TSBP1: variants seen among roughly 807,000 people sequenced by gnomAD.
The protein encoded by TSBP1 is testis expressed basic protein 1.
TSBP1 carries 56 observed loss-of-function variants against 68.8 expected under a neutral mutation model. That is an observed-to-expected ratio of 0.81 (90% CI 0.66 to 1.02). The LOEUF is 1.02. Ranked by LOEUF, TSBP1 falls within the 50% of genes least tolerant of loss-of-function variation. The pLI, the probability that TSBP1 is intolerant of heterozygous loss-of-function variation, is 0.00. For synonymous variants in TSBP1, 171 were observed against 208.7 expected (o/e 0.82, Z 1.56); for missense variants, 502 against 641.2 (o/e 0.78, Z 2.34).
intron 18 of TSBP1, among the ~76,000 whole-genome samples, chr6:32,322,869 C>T (rs1391636586): frequency 2.6e-5 from 4 of 151,946 alleles, no homozygotes. Flanking sequence ...TTTTGGATTT[C>T]ATCTCTCTCT....
chr6:32,325,260 G>T lies in TSBP1; in HGVS notation c.515-1646C>A. 7.8e-7 allele frequency: 1 copy of T among 1,278,684 alleles called. No homozygotes were observed. Among genetic ancestry groups the T allele is most frequent in the Non-Finnish European group, 1.1e-6 (1 of 916,854 alleles). The allele number at this position is 1,278,684 out of a possible 1,614,324, so 79.2% of individuals were successfully genotyped here. A position where few individuals can be genotyped will look rare whatever the true frequency, so the allele number is the denominator to read the frequency against. ...CTCCTAAAGAGCCAGAACAACTGAG[G>T]AAGCTCTTCATTGGAGGGTTGAGCT... On this transcript the variant is annotated intron_variant, in intron 16 of 22. Transcript: ENST00000612031. This position sits in a 1 kb window ranked among gnomAD's most constrained non-coding sequence, Gnocchi z 4.4.
At chr6:32,327,959 T>C (rs1768444904) in intron 16 of TSBP1, among the ~76,000 whole-genome samples, 1 of 141,412 alleles carries the variant, frequency 7.1e-6, no homozygotes, top group South Asian at 2.3e-4. Context: ...GCCCGACTTA[T>C]TATTATTTTT....
intron 15 of TSBP1, among the ~76,000 whole-genome samples, chr6:32,331,198 C>A: frequency 7.6e-6 from 1 of 131,230 alleles, no homozygotes. Context: ...TAATTGTATT[C>A]CTTTCCATAT....
At chr6:32,342,333 T>C (rs1770474401) in intron 9 of TSBP1, among the ~76,000 whole-genome samples, 1 of 152,016 alleles carries the variant, frequency 6.6e-6, no homozygotes, top group Non-Finnish European at 1.5e-5. Context: ...CCAGCTAATT[T>C]TGTATTTTTG....
At chr6:32,368,122 CGAT>C (rs1562202357) in intron 3 of TSBP1, among the ~76,000 whole-genome samples, 165 bp from the exon 4 acceptor site, 1 of 152,170 alleles carries the variant, frequency 6.6e-6, no homozygotes, top group African/African-American at 2.4e-5. Flanking sequence ...CAAGAGCTGA[CGAT>C]GATAAGTGAC....
intron 20 of TSBP1, among the ~76,000 whole-genome samples, chr6:32,301,334 C>T (rs1306613852): frequency 3.9e-5 from 6 of 151,928 alleles, no homozygotes; most frequent in East Asian, 1.9e-4. Flanking sequence ...TGGCCTGGTA[C>T]GAAATATTTA....
At chr6:32,356,451 G>T (rs1562176195) in intron 6 of TSBP1, among the ~76,000 whole-genome samples, 1 of 152,124 alleles carries the variant, frequency 6.6e-6, no homozygotes, top group African/African-American at 2.4e-5. Flanking sequence ...TAAAAACGGT[G>T]TCTCAAGCCT....
chr6:32,332,028 G>A lies in TSBP1; in HGVS notation c.493+6C>T, dbSNP rs937082462. On this transcript the variant is annotated splice_donor_region_variant and intron_variant, in intron 15 of 22. Transcript: ENST00000612031. ...AGAGATAAGTTGATATATACAGGCA[G>A]CTTACCAATAGGTCCTGGAGTTTGC... The A allele has an allele frequency of 6.3e-7, 1 of 1,595,262 alleles. No individual in the cohort carries two copies. Among genetic ancestry groups the A allele is most frequent in the Admixed American group, 1.7e-5 (1 of 60,006 alleles).
At chr6:32,368,896 G>A (rs1400450115) in intron 2 of TSBP1, 82 bp from the exon 3 acceptor site, 3 of 1,478,372 alleles carry the variant, frequency 2.0e-6, no homozygotes, top group East Asian at 2.4e-5. Context: ...CTCACTCTAA[G>A]CTATGCTTCT....
chr6:32,328,305 T>C (rs1768511398), intron 16 of TSBP1, among the ~76,000 whole-genome samples: 2 of 152,066 alleles, frequency 1.3e-5, no homozygotes, highest in Admixed American at 6.5e-5. Context: ...TGAAGGGCAG[T>C]GACACGATCT....
At chr6:32,363,697 T>G (rs1773327918) in intron 6 of TSBP1, among the ~76,000 whole-genome samples, 1 of 151,930 alleles carries the variant, frequency 6.6e-6, no homozygotes, top group Admixed American at 6.6e-5. Context: ...TTAAAAAAAT[T>G]GTATATTCAT....
rs1765432370 is a variant in TSBP1 at position 32,302,762 on chromosome 6, T to TG, written c.581-134dup. ...ACTTCTAGCAGAATACAATGAAATA[T>TG]GATGAGACAACAGATCCCTTAGTGT... On this transcript the variant is annotated intron_variant, in intron 19 of 22. Transcript: ENST00000612031. The surrounding 1 kb of genome is among the most constrained non-coding windows in gnomAD (Gnocchi z 5.1). The TG allele has an allele frequency of 1.6e-6, 1 of 643,772 alleles. No individual in the cohort carries two copies. Among genetic ancestry groups the TG allele is most frequent in the South Asian group, 2.0e-5 (1 of 49,736 alleles). 39.9% of individuals were successfully genotyped at this position (643,772 alleles called of 1,614,324 possible). A position where few individuals can be genotyped will look rare whatever the true frequency, so the allele number is the denominator to read the frequency against.
chr6:32,360,163 C>A (rs1323758352), intron 6 of TSBP1, among the ~76,000 whole-genome samples: 2 of 152,092 alleles, frequency 1.3e-5, no homozygotes, highest in Admixed American at 1.3e-4. Flanking sequence ...CAAGTTTGTA[C>A]CCTTTGGCCA....
Position 32,360,875 on chromosome 6 carries a change from C to T in TSBP1, c.218-5206G>A, listed in dbSNP as rs554466931. On this transcript the variant is annotated intron_variant, in intron 6 of 22. Coordinates refer to ENST00000612031, the Ensembl canonical transcript of TSBP1. ...TTATTTTATTTTATTTTGTTTTTTTCTCTCTCTCTTTTTTTTTATTATACT... is the reference window on the plus strand; with the variant it reads ...TTATTTTATTTTATTTTGTTTTTTTTTCTCTCTCTTTTTTTTTATTATACT... 6.8e-3 allele frequency among the ~76,000 whole-genome samples: 749 copies of T among 109,944 alleles called. 6 individuals carry two copies. The highest frequency in any genetic ancestry group is 0.011 in the Non-Finnish European group (489 of 44,338). The allele number at this position is 109,944 out of a possible 152,430, so 72.1% of individuals were successfully genotyped here. A position where few individuals can be genotyped will look rare whatever the true frequency, so the allele number is the denominator to read the frequency against.
Position 32,361,557 on chromosome 6 carries a change from A to T in TSBP1, c.217+4610T>A, listed in dbSNP as rs1165240366. On this transcript the variant is annotated intron_variant, in intron 6 of 22. Transcript: ENST00000612031. The surrounding 1 kb of genome is among the most constrained non-coding windows in gnomAD (Gnocchi z 4.3). Reference sequence around the variant, plus strand: ...CCAGCACCTGTTTCCTGACTTTTTAATGATTGCCATTCTAACTGGTGTGAG... The same window carrying T: ...CCAGCACCTGTTTCCTGACTTTTTATTGATTGCCATTCTAACTGGTGTGAG... Among the ~76,000 whole-genome samples, 3 of 152,128 alleles carry T rather than the reference A, an allele frequency of 2.0e-5. No homozygotes were observed.
intron 4 of TSBP1, among the ~76,000 whole-genome samples, 154 bp downstream of exon 4, chr6:32,367,771 T>C (rs1773926554): frequency 1.4e-5 from 1 of 69,548 alleles, no homozygotes; most frequent in South Asian, 8.8e-4. Context: ...ATGCACAATT[T>C]TTCTTGAGAA....
chr6:32,310,283 T>C (rs936583715), intron 19 of TSBP1, among the ~76,000 whole-genome samples: 56 of 152,178 alleles, frequency 3.7e-4, no homozygotes, highest in African/African-American at 1.4e-3. Context: ...TCTGTCTGTG[T>C]GTTTTAAAGT....
At chr6:32,354,913 C>G (rs1772111536) in intron 8 of TSBP1, among the ~76,000 whole-genome samples, 1 of 151,338 alleles carries the variant, frequency 6.6e-6, no homozygotes, top group Admixed American at 6.6e-5. Context: ...ATTAATAAGC[C>G]TTTGGGAAGA....
chr6:32,358,285 G>GT (rs1236632255), intron 6 of TSBP1, among the ~76,000 whole-genome samples: 1 of 151,830 alleles, frequency 6.6e-6, no homozygotes, highest in East Asian at 1.9e-4. Context: ...TACTGGAGAG[G>GT]TTTTTTCCCA....
Sources: gnomAD v4.1 joint callset for allele counts (sites outside exome capture counted in the v4.1 genomes callset) on GRCh38, gnomAD v4.1.1 for gene constraint, Gnocchi (gnomAD v3.1) non-coding constraint, MANE v1.5 for transcripts, NCBI Gene and HGNC (gene_info 2026-07-23, HGNC 2026-07-21) for gene names.